PPP1R13L: variants seen among roughly 807,000 people sequenced by gnomAD.
PPP1R13L encodes the protein relA-associated inhibitor.
A neutral mutation model predicts 80.9 loss-of-function variants in PPP1R13L; 50 were observed. That is an observed-to-expected ratio of 0.62 (90% CI 0.49 to 0.78). The LOEUF is 0.78. PPP1R13L is among the 30% of genes least tolerant of loss of function. The pLI is 0.00. For missense variants in PPP1R13L, 1,200 were observed against 1,205.9 expected, an observed-to-expected ratio of 1.00 and a Z score of 0.07; for synonymous variants, 602 against 534.3, an observed-to-expected ratio of 1.13 and a Z score of -1.75.
chr19:45,380,031 T>A lies in PPP1R13L; in HGVS notation c.*159A>T, dbSNP rs1972732332. 1 of 807,968 alleles carries A rather than the reference T, an allele frequency of 1.2e-6. No individual in the cohort carries two copies. The highest frequency in any genetic ancestry group is 2.0e-6 in the Non-Finnish European group (1 of 502,218). 50.0% of individuals were successfully genotyped at this position (807,968 alleles called of 1,614,324 possible). ...ACTAAATTTAAGGCTGGGGCCCTCCTTCTTCCCTGGACTTCCAGGAGAACA... is the reference window on the plus strand; with the variant it reads ...ACTAAATTTAAGGCTGGGGCCCTCCATCTTCCCTGGACTTCCAGGAGAACA... On this transcript the variant is annotated 3_prime_UTR_variant, in exon 13 of 13. Coordinates refer to ENST00000360957, the MANE Select transcript of PPP1R13L (RefSeq NM_006663.4).
intron 9 of PPP1R13L, 34 bp from the exon 10 acceptor site, chr19:45,385,991 C>A: frequency 6.3e-7 from 1 of 1,579,892 alleles, no homozygotes; most frequent in Non-Finnish European, 8.6e-7. Flanking sequence ...AGACTCAGTC[C>A]CGCGGCTGGC....
At chr19:45,382,779 A>T in intron 11 of PPP1R13L, 53 bp from the exon 12 acceptor site, 1 of 1,578,740 alleles carries the variant, frequency 6.3e-7, no homozygotes, top group Non-Finnish European at 8.7e-7. Flanking sequence ...GGGTCCAGGA[A>T]CAGGGGCCAC....
intron 1 of PPP1R13L, among the ~76,000 whole-genome samples, chr19:45,401,824 G>C (rs1973238471): frequency 6.6e-6 from 1 of 152,082 alleles, no homozygotes; most frequent in African/African-American, 2.4e-5. Flanking sequence ...TGAGGGCCGG[G>C]CATGGTAGCT....
At chr19:45,394,228 C>T (rs1973035912) in intron 7 of PPP1R13L, among the ~76,000 whole-genome samples, 1 of 152,036 alleles carries the variant, frequency 6.6e-6, no homozygotes. Flanking sequence ...ATCTCCCAGG[C>T]TTAAATGATC....
Position 45,382,248 on chromosome 19 carries a change from A to G in PPP1R13L, c.2448+279T>C, listed in dbSNP as rs573778035. 1.7e-3 allele frequency among the ~76,000 whole-genome samples: 256 copies of G among 151,920 alleles called. 1 individual carries two copies. Among genetic ancestry groups the G allele is most frequent in the African/African-American group, 5.6e-3 (234 of 41,534 alleles). On this transcript the variant is annotated intron_variant, in intron 12 of 12. Coordinates refer to ENST00000360957, the MANE Select transcript of PPP1R13L (RefSeq NM_006663.4). Reference sequence around the variant, plus strand: ...GACTCCGTTTCAGAAATAAATAAATAAAATAAAAATAAAAATAAAAAAATA... The same window carrying G: ...GACTCCGTTTCAGAAATAAATAAATGAAATAAAAATAAAAATAAAAAAATA...
At chr19:45,405,929 C>T (rs1973342727), upstream of PPP1R13L, among the ~76,000 whole-genome samples, 1 of 152,134 alleles carries the variant, frequency 6.6e-6, no homozygotes, top group Non-Finnish European at 1.5e-5. Flanking sequence ...GAGGAGTCGC[C>T]GATCAGGTCC....
intron 1 of PPP1R13L, among the ~76,000 whole-genome samples, chr19:45,402,468 G>T (rs1471155575): frequency 6.6e-6 from 1 of 152,234 alleles, no homozygotes; most frequent in East Asian, 1.9e-4. Flanking sequence ...GGCTGTCGCG[G>T]GGACAGGCGG....
rs1480506015 is a variant in PPP1R13L, at chr19:45,379,992, G to T, written c.*198C>A. ...TTCCAGCCCTTCCCAGACCTCCCAAGGCTAAGGCAGATTACTAAATTTAAG... is the reference window on the plus strand; with the variant it reads ...TTCCAGCCCTTCCCAGACCTCCCAATGCTAAGGCAGATTACTAAATTTAAG... On this transcript the variant is annotated 3_prime_UTR_variant, in exon 13 of 13. Transcript: ENST00000360957. 4 of 601,662 alleles carry T rather than the reference G, an allele frequency of 6.6e-6. No homozygotes were observed. The highest frequency in any genetic ancestry group is 4.6e-4 in the Middle Eastern group (1 of 2,190). 37.3% of individuals were successfully genotyped at this position (601,662 alleles called of 1,614,324 possible).
intron 8 of PPP1R13L, among the ~76,000 whole-genome samples, chr19:45,387,898 C>A (rs1972900481): frequency 6.6e-6 from 1 of 152,070 alleles, no homozygotes; most frequent in Non-Finnish European, 1.5e-5. Context: ...GGTGCGGTGG[C>A]TCATGTGTGT....
Position 45,396,265 on chromosome 19 carries a change from G to T in PPP1R13L, c.812-6C>A. The T allele has an allele frequency of 6.2e-7, 1 of 1,612,428 alleles. No individual in the cohort carries two copies. The highest frequency in any genetic ancestry group is 2.2e-5 in the East Asian group (1 of 44,838). ...CCTTGCGAAGACGTCCAGGCCTGCG[G>T]GGCGGGAATCATTAGGGTCTGTGGG... On this transcript the variant is annotated splice_polypyrimidine_tract_variant and splice_region_variant and intron_variant, in intron 5 of 12. Coordinates refer to ENST00000360957, the MANE Select transcript of PPP1R13L (RefSeq NM_006663.4). This position sits in a 1 kb window ranked among gnomAD's most constrained non-coding sequence, Gnocchi z 5.3.
In PPP1R13L at chr19:45,386,165, G is replaced by T; in HGVS notation, c.1831C>A (p.Leu611Met). The T allele has an allele frequency of 6.5e-7, 1 of 1,529,300 alleles. No homozygotes were observed. Among genetic ancestry groups the T allele is most frequent in the Non-Finnish European group, 8.7e-7 (1 of 1,152,600 alleles). 94.7% of individuals were successfully genotyped at this position (1,529,300 alleles called of 1,614,324 possible). The change falls in exon 9 of 13, where the codon CTG becomes ATG. Residue 611 changes from leucine (L) to methionine (M), a missense_variant. Coordinates refer to ENST00000360957, the MANE Select transcript of PPP1R13L (RefSeq NM_006663.4). ...TTGCGCGGGGAGCCCGCCTTCCGCA[G>T]CACAGAGCGCATCTCCTGGGGGACA... ...QPQSMEMRSV[L>M]RKAGSPRKAR...
At chr19:45,385,517 TGC>T in intron 11 of PPP1R13L, 43 bp downstream of exon 11, 1 of 1,561,532 alleles carries the variant, frequency 6.4e-7, no homozygotes. Context: ...TCCCCGCTCC[TGC>T]GCACCCGCCA....
rs375628795 is a variant in PPP1R13L, at chr19:45,395,625, G to C, written c.1165C>G (p.Arg389Gly). The C allele has an allele frequency of 1.4e-6, 2 of 1,475,838 alleles. No individual in the cohort carries two copies. The highest frequency in any genetic ancestry group is 1.4e-5 in the South Asian group (1 of 71,984). The allele number at this position is 1,475,838 out of a possible 1,614,324, so 91.4% of individuals were successfully genotyped here. Reference protein sequence around the residue: ...QNAFWEHGASRAMLPGSPLFT... With the variant: ...QNAFWEHGASGAMLPGSPLFT... ...AGGGGGGACCCAGGGAGCATGGCGC[G>C]GCTGGCCCCGTGCTCCCAGAAGGCG... Residue 389 changes from arginine to glycine, a missense_variant, in exon 7 of 13, where the codon CGC becomes GGC. Transcript: ENST00000360957.
chr19:45,382,222 A>C (rs1972776567), intron 12 of PPP1R13L, among the ~76,000 whole-genome samples: 1 of 152,118 alleles, frequency 6.6e-6, no homozygotes, highest in African/African-American at 2.4e-5. Flanking sequence ...CGACAGAGCG[A>C]GACTCCGTTT....
chr19:45,380,558 C>G (rs34877633), intron 12 of PPP1R13L, among the ~76,000 whole-genome samples: 17,094 of 152,134 alleles, frequency 0.11, 1,232 homozygotes, highest in South Asian at 0.16. Context: ...TGGGTCACAC[C>G]TATAATCCCA....
chr19:45,381,619 C>A (rs994428618), intron 12 of PPP1R13L, among the ~76,000 whole-genome samples: 30 of 152,122 alleles, frequency 2.0e-4, no homozygotes, highest in African/African-American at 7.2e-4. Context: ...GAGCACCCTA[C>A]ATCCTGACAG....
At chr19:45,393,580 GA>G in intron 7 of PPP1R13L, among the ~76,000 whole-genome samples, 1 of 139,328 alleles carries the variant, frequency 7.2e-6, no homozygotes, top group African/African-American at 2.7e-5. Flanking sequence ...CAAGAAGAGT[GA>G]AACTCCATCT....
At chr19:45,400,484 G>A (rs1973209488) in intron 1 of PPP1R13L, among the ~76,000 whole-genome samples, 1 of 152,000 alleles carries the variant, frequency 6.6e-6, no homozygotes, top group Admixed American at 6.6e-5. Context: ...CGAAGGAACA[G>A]AACCTGTTCA....
intron 12 of PPP1R13L, among the ~76,000 whole-genome samples, chr19:45,381,119 A>T (rs1283524400): frequency 6.6e-6 from 1 of 150,874 alleles, no homozygotes; most frequent in Non-Finnish European, 1.5e-5. Context: ...CAGTGGCACC[A>T]TCAGGGCTCA....
Sources: gnomAD v4.1 joint callset for allele counts (sites outside exome capture counted in the v4.1 genomes callset) on GRCh38, gnomAD v4.1.1 for gene constraint, Gnocchi (gnomAD v3.1) non-coding constraint, MANE v1.5 for transcripts, NCBI Gene and HGNC (gene_info 2026-07-23, HGNC 2026-07-21) for gene names.